The following CACNA2D1 variants were observed in gnomAD, a reference collection of about 807,000 sequenced individuals.
CACNA2D1 encodes calcium voltage-gated channel auxiliary subunit alpha2delta 1, also known as voltage-dependent calcium channel subunit alpha-2/delta-1.
CACNA2D1 carries 53 observed loss-of-function variants against 171.5 expected under a neutral mutation model. The ratio of observed to expected loss-of-function variants is 0.31; its 90% CI spans 0.25 to 0.39. The LOEUF is 0.39. Ranked by LOEUF, CACNA2D1 falls within the 10% of genes least tolerant of loss-of-function variation. The pLI, the probability that CACNA2D1 is intolerant of heterozygous loss-of-function variation, is 1.00. For synonymous variants in CACNA2D1, 442 were observed against 443.1 expected (o/e 1.00, Z 0.03); for missense variants, 903 against 1,299.8 (o/e 0.69, Z 4.69).
At chr7:82,005,327 G>C in intron 18 of CACNA2D1, 96 bp downstream of exon 18, 1 of 776,346 alleles carries the variant, frequency 1.3e-6, no homozygotes, top group South Asian at 1.5e-5. Context: ...TTGATATTTA[G>C]TGTTATACGG....
intron 3 of CACNA2D1, among the ~76,000 whole-genome samples, chr7:82,238,692 TG>T (rs1285615574): frequency 6.6e-6 from 1 of 152,118 alleles, no homozygotes; most frequent in Non-Finnish European, 1.5e-5. Context: ...TGAGGTTTTT[TG>T]AGAAGAGGAA....
chr7:82,269,236 G>A (rs1808310989), intron 3 of CACNA2D1, among the ~76,000 whole-genome samples: 1 of 151,926 alleles, frequency 6.6e-6, no homozygotes, highest in South Asian at 2.1e-4. Flanking sequence ...GAACCCCTCT[G>A]ACTCATACAC....
At chr7:82,006,738 C>T (rs979766882) in intron 16 of CACNA2D1, among the ~76,000 whole-genome samples, 1 of 151,986 alleles carries the variant, frequency 6.6e-6, no homozygotes, top group Non-Finnish European at 1.5e-5. Flanking sequence ...GAGAGTTACT[C>T]TTTTATGAGT....
chr7:82,320,747 A>G (rs1815709332), intron 3 of CACNA2D1, among the ~76,000 whole-genome samples: 1 of 151,994 alleles, frequency 6.6e-6, no homozygotes, highest in Non-Finnish European at 1.5e-5. Context: ...TTTCACTTAC[A>G]TGACTTAAGT....
At chr7:82,061,778 T>G (rs1396527846) in intron 9 of CACNA2D1, among the ~76,000 whole-genome samples, 1 of 152,116 alleles carries the variant, frequency 6.6e-6, no homozygotes, top group Non-Finnish European at 1.5e-5. Flanking sequence ...AGGATATCAG[T>G]GCTGCTAACT....
intron 3 of CACNA2D1, among the ~76,000 whole-genome samples, chr7:82,196,380 G>A (rs1410846904): frequency 1.3e-5 from 2 of 152,032 alleles, no homozygotes; most frequent in Non-Finnish European, 2.9e-5. Flanking sequence ...TATGGGGGAT[G>A]CTTGAAAAGG....
In CACNA2D1 at chr7:82,290,409, C is replaced by A. The variant is rs150704711; in HGVS notation, c.294+44726G>T. On this transcript the variant is annotated intron_variant, in intron 3 of 38. Coordinates refer to ENST00000356860, the MANE Select transcript of CACNA2D1 (RefSeq NM_000722.4). ...GAAATAAGCACAAACCTAGACAAGA[C>A]GTAAGAGTCCAAGCTAATCTTTGAG... Among the ~76,000 whole-genome samples the A allele has an allele frequency of 6.8e-3, 1,027 of 152,100 alleles. 14 individuals are homozygous for A. The highest frequency in any genetic ancestry group is 0.024 in the African/African-American group (976 of 41,482).
intron 3 of CACNA2D1, among the ~76,000 whole-genome samples, chr7:82,250,901 T>A (rs1289869049): frequency 6.6e-6 from 1 of 152,154 alleles, no homozygotes; most frequent in East Asian, 1.9e-4. Flanking sequence ...GCCACAAGAA[T>A]ATCTCAGGAC....
At chr7:82,219,753 C>T (rs1050430163) in intron 3 of CACNA2D1, among the ~76,000 whole-genome samples, 2 of 152,076 alleles carry the variant, frequency 1.3e-5, no homozygotes, top group Non-Finnish European at 2.9e-5. Context: ...ATTTCAATTA[C>T]ATTTAATTAT....
chr7:82,424,776 G>C (rs756266883), intron 1 of CACNA2D1, among the ~76,000 whole-genome samples: 19 of 152,206 alleles, frequency 1.2e-4, no homozygotes, highest in Non-Finnish European at 2.5e-4. Flanking sequence ...TTTCCTTATA[G>C]GATGGATCAG....
chr7:81,983,372 A>AG, intron 22 of CACNA2D1, 38 bp from the exon 23 acceptor site: 1 of 1,546,746 alleles, frequency 6.5e-7, no homozygotes, highest in African/African-American at 1.4e-5. Flanking sequence ...CAGGGAAACA[A>AG]AAAAAAAAGA....
At chr7:82,232,893 G>T (rs532705994) in intron 3 of CACNA2D1, among the ~76,000 whole-genome samples, 724 of 71,320 alleles carry the variant, frequency 0.01, 11 homozygotes, top group Middle Eastern at 0.037. Context: ...AAAAAAAAAA[G>T]ACTTGCTTGA....
intron 18 of CACNA2D1, 47 bp downstream of exon 18, chr7:82,005,376 A>C: frequency 8.9e-7 from 1 of 1,121,830 alleles, no homozygotes; most frequent in African/African-American, 1.5e-5. Context: ...AACATTAATC[A>C]TTAATTCTAC....
chr7:82,031,384 A>T (rs1426872225), intron 12 of CACNA2D1, among the ~76,000 whole-genome samples: 1 of 152,048 alleles, frequency 6.6e-6, no homozygotes, highest in Non-Finnish European at 1.5e-5. Context: ...ATTTCTGATG[A>T]TTTCTTTGAA....
Position 81,964,055 on chromosome 7 carries a change from C to A in CACNA2D1, c.2780+1G>T. ...CCAATAAAACTAAAATTTTGACTTA[C>A]CAGGCAGCAGCAGTGGCCCACCAGC... is the stretch of plus-strand genomic sequence containing the variant. On this transcript the variant is annotated splice_donor_variant, in intron 34 of 38. Transcript: ENST00000356860. LOFTEE classifies it high-confidence loss of function. 1 of 1,611,174 alleles carries A rather than the reference C, an allele frequency of 6.2e-7. No homozygotes were observed. The highest frequency in any genetic ancestry group is 8.5e-7 in the Non-Finnish European group (1 of 1,178,134).
intron 5 of CACNA2D1, among the ~76,000 whole-genome samples, chr7:82,119,912 T>C (rs1789512831): frequency 1.3e-5 from 2 of 152,204 alleles, no homozygotes; most frequent in Admixed American, 1.3e-4. Flanking sequence ...CTAGGTCCAG[T>C]GGCTCATGCC....
chr7:82,370,961 T>C (rs1398085424), intron 1 of CACNA2D1, among the ~76,000 whole-genome samples: 2 of 152,128 alleles, frequency 1.3e-5, no homozygotes, highest in South Asian at 2.1e-4. Flanking sequence ...CAAATGTATA[T>C]GTAAAAAAAT....
chr7:82,263,356 C>A (rs1288310883), intron 3 of CACNA2D1, among the ~76,000 whole-genome samples: 1 of 152,062 alleles, frequency 6.6e-6, no homozygotes, highest in Admixed American at 6.6e-5. Flanking sequence ...AGTGATCTGC[C>A]TGCCTCAGCA....
intron 32 of CACNA2D1, among the ~76,000 whole-genome samples, chr7:81,965,143 G>A (rs375846511): frequency 6.7e-4 from 102 of 151,932 alleles, no homozygotes; most frequent in African/African-American, 2.4e-3. Flanking sequence ...TTTTTCAAAA[G>A]AAAGAAGCCA....
Sources: allele counts gnomAD v4.1 joint callset (sites outside exome capture counted in the v4.1 genomes callset), GRCh38; gene constraint gnomAD v4.1.1; transcripts MANE v1.5; gene names NCBI Gene and HGNC (gene_info 2026-07-23, HGNC 2026-07-21).